Variants in CDK8 observed in about 807,000 individuals in gnomAD.
CDK8 encodes cyclin-dependent kinase 8.
In CDK8, 29 loss-of-function variants were observed where a neutral mutation model predicts 71.5. The ratio of observed to expected loss-of-function variants is 0.41; its 90% confidence interval spans 0.30 to 0.55. CDK8 has a LOEUF of 0.55. Among genes scored for constraint, CDK8 ranks in the 20% least tolerant of loss-of-function variants. CDK8 has a pLI of 0.37. For synonymous variants in CDK8, 161 were observed against 192.1 expected (o/e 0.84, Z 1.34); for missense variants, 288 against 572.6 (o/e 0.50, Z 5.07).
At chr13:26,403,850 T>A in intron 12 of CDK8, 106 bp from the exon 13 acceptor site, 1 of 1,383,612 alleles carries the variant, frequency 7.2e-7, no homozygotes, top group East Asian at 2.3e-5. Flanking sequence ...GCACAAAACC[T>A]ATACATCCTT....
intron 1 of CDK8, among the ~76,000 whole-genome samples, chr13:26,309,075 C>T (rs1455037694): frequency 1.3e-5 from 2 of 151,956 alleles, no homozygotes; most frequent in Non-Finnish European, 1.5e-5. Flanking sequence ...GTGCTAGGAA[C>T]ATAGTATTTA....
intron 4 of CDK8, 67 bp downstream of exon 4, chr13:26,353,947 T>C: frequency 7.3e-7 from 1 of 1,377,558 alleles, no homozygotes; most frequent in Non-Finnish European, 1.0e-6. Flanking sequence ...TCTAGTCGTC[T>C]GTAGATACCA....
intron 1 of CDK8, among the ~76,000 whole-genome samples, chr13:26,265,772 TG>T (rs1159985264): frequency 6.6e-6 from 1 of 152,078 alleles, no homozygotes; most frequent in Non-Finnish European, 1.5e-5. Context: ...ATAATCAAAT[TG>T]GGGAAGTAAG....
At position 26,389,436 on chromosome 13, in the gene CDK8, A is replaced by C. The variant is rs577279607; in HGVS notation, c.647-3931A>C. Among the ~76,000 whole-genome samples, 5 of 152,150 alleles carry C rather than the reference A, an allele frequency of 3.3e-5. No individual in the cohort carries two copies. In the South Asian group the frequency reaches 1.0e-3, roughly 32 times the overall value. On this transcript the variant is annotated intron_variant, in intron 6 of 12. Coordinates refer to ENST00000381527, the MANE Select transcript of CDK8 (RefSeq NM_001260.3). ...CGGCCTCCCAAAGTGCTGGGATTAC[A>C]GGTGTGAGCCACGACACCCAGCCAA... is the stretch of plus-strand genomic sequence containing the variant.
At chr13:26,373,997 T>C (rs1163501829) in intron 4 of CDK8, among the ~76,000 whole-genome samples, 1 of 125,700 alleles carries the variant, frequency 8.0e-6, no homozygotes, top group Non-Finnish European at 1.6e-5. Flanking sequence ...CTGGCTAACA[T>C]GGTGAAACCC....
intron 1 of CDK8, among the ~76,000 whole-genome samples, chr13:26,274,984 A>T (rs961806317): frequency 5.3e-5 from 8 of 152,172 alleles, no homozygotes; most frequent in Non-Finnish European, 1.2e-4. Flanking sequence ...TGATTTGTTA[A>T]AACTTGTTAG....
chr13:26,341,105 T>C (rs181638936), intron 2 of CDK8, among the ~76,000 whole-genome samples: 115 of 152,292 alleles, frequency 7.6e-4, no homozygotes, highest in African/African-American at 1.9e-3. Context: ...TCTACTCACC[T>C]CTACTTCAAC....
intron 1 of CDK8, among the ~76,000 whole-genome samples, chr13:26,288,251 T>G (rs1210615288): frequency 6.6e-6 from 1 of 152,182 alleles, no homozygotes; most frequent in African/African-American, 2.4e-5. Context: ...CGTGAGCCAC[T>G]GCGCCCGGCC....
intron 1 of CDK8, among the ~76,000 whole-genome samples, chr13:26,262,325 T>A (rs1871804764): frequency 6.6e-6 from 1 of 152,250 alleles, no homozygotes; most frequent in Non-Finnish European, 1.5e-5. Context: ...TTTAGGGCAA[T>A]GATTGTGTTC....
chr13:26,381,011 C>T, intron 4 of CDK8, among the ~76,000 whole-genome samples: 1 of 152,098 alleles, frequency 6.6e-6, no homozygotes, highest in East Asian at 1.9e-4. Flanking sequence ...AAGAGAGTAA[C>T]ATAATCAGAT....
At chr13:26,326,247 A>G (rs1425751061) in intron 1 of CDK8, among the ~76,000 whole-genome samples, 1 of 152,206 alleles carries the variant, frequency 6.6e-6, no homozygotes, top group Non-Finnish European at 1.5e-5. Flanking sequence ...ACCCAAAAGA[A>G]AGTGGCTACA....
At chr13:26,358,526 C>T (rs1317416219) in intron 4 of CDK8, among the ~76,000 whole-genome samples, 2 of 152,168 alleles carry the variant, frequency 1.3e-5, no homozygotes, top group African/African-American at 4.8e-5. Context: ...ATTTAACTTT[C>T]TAACACCGTT....
At chr13:26,321,719 T>C (rs965462014) in intron 1 of CDK8, among the ~76,000 whole-genome samples, 3 of 152,068 alleles carry the variant, frequency 2.0e-5, no homozygotes, top group African/African-American at 7.2e-5. Flanking sequence ...GAAGAAATTA[T>C]CTCATCTTCC....
At chr13:26,256,424 T>C (rs959696964) in intron 1 of CDK8, among the ~76,000 whole-genome samples, 2 of 152,194 alleles carry the variant, frequency 1.3e-5, no homozygotes, top group African/African-American at 2.4e-5. Flanking sequence ...GATTAGACAT[T>C]ACAGTACATT....
intron 1 of CDK8, among the ~76,000 whole-genome samples, chr13:26,274,280 T>A (rs774856611): frequency 4.6e-5 from 7 of 152,188 alleles, no homozygotes; most frequent in Admixed American, 1.3e-4. Context: ...TTGTTTTCTT[T>A]GATCTTTGCA....
At chr13:26,310,858 A>C (rs774562743) in intron 1 of CDK8, among the ~76,000 whole-genome samples, 1 of 152,040 alleles carries the variant, frequency 6.6e-6, no homozygotes, top group African/African-American at 2.4e-5. Context: ...ACTTTGTTCA[A>C]ATCTCTCCAT....
At chr13:26,302,180 C>G (rs1199578489) in intron 1 of CDK8, among the ~76,000 whole-genome samples, 1 of 152,168 alleles carries the variant, frequency 6.6e-6, no homozygotes, top group Non-Finnish European at 1.5e-5. Context: ...ATAAAACACC[C>G]CAATAGAATT....
chr13:26,338,365 T>A (rs1428924325), intron 2 of CDK8, among the ~76,000 whole-genome samples: 1 of 152,116 alleles, frequency 6.6e-6, no homozygotes, highest in African/African-American at 2.4e-5. Context: ...CCTGGAAATG[T>A]TAAACAATTT....
At chr13:26,270,396 A>G (rs1872252893) in intron 1 of CDK8, among the ~76,000 whole-genome samples, 1 of 151,944 alleles carries the variant, frequency 6.6e-6, no homozygotes, top group Non-Finnish European at 1.5e-5. Context: ...TCTCAAAAAA[A>G]AAAAAAAATA....
Sources: allele counts gnomAD v4.1 joint callset (sites outside exome capture counted in the v4.1 genomes callset), GRCh38; gene constraint gnomAD v4.1.1; transcripts MANE v1.5; gene names NCBI Gene and HGNC (gene_info 2026-07-23, HGNC 2026-07-21).